PSME4: variants seen among roughly 807,000 people sequenced by gnomAD.
PSME4 encodes the protein proteasome activator subunit 4, also known as proteasome activator complex subunit 4.
Under a neutral mutation model 253.9 loss-of-function variants are expected in PSME4, and 89 were observed. The observed-to-expected ratio is 0.35, with a 90% confidence interval of 0.30 to 0.42. The LOEUF is 0.42. Among genes scored for constraint, PSME4 ranks in the 10% least tolerant of loss-of-function variants. The probability of loss-of-function intolerance (pLI) is 1.00; values close to 1 mark genes in which losing one functional copy is unlikely to be tolerated. For synonymous variants in PSME4, 851 were observed against 759.2 expected, an observed-to-expected ratio of 1.12 and a Z score of -1.99; for missense variants, 2,014 against 2,195.2, an observed-to-expected ratio of 0.92 and a Z score of 1.65.
At chr2:53,966,481 G>C (rs1364390600) in intron 1 of PSME4, among the ~76,000 whole-genome samples, 18 of 151,958 alleles carry the variant, frequency 1.2e-4, no homozygotes, top group Admixed American at 1.1e-3. Flanking sequence ...GGCCAACATG[G>C]GGAAACCCTG....
chr2:53,924,300 T>C (rs1193681462), intron 14 of PSME4, among the ~76,000 whole-genome samples: 1 of 152,216 alleles, frequency 6.6e-6, no homozygotes, highest in Admixed American at 6.5e-5. Context: ...ATCATAGTAT[T>C]TATTTCACAC....
chr2:53,908,707 C>T (rs1667678350), intron 22 of PSME4, 77 bp downstream of exon 22: 1 of 1,443,248 alleles, frequency 6.9e-7, no homozygotes, highest in South Asian at 1.3e-5. Flanking sequence ...ATTAAGTAAA[C>T]ACATGCATGT....
At chr2:53,938,270 A>C (rs926936727) in intron 4 of PSME4, among the ~76,000 whole-genome samples, 3 of 152,204 alleles carry the variant, frequency 2.0e-5, no homozygotes, top group Admixed American at 6.5e-5. Context: ...ATGTTGAATA[A>C]ACCATTTACC....
chr2:53,930,702 A>C (rs1359229584), intron 10 of PSME4, among the ~76,000 whole-genome samples: 3 of 152,208 alleles, frequency 2.0e-5, no homozygotes, highest in Non-Finnish European at 4.4e-5. Context: ...GATCTTGAAC[A>C]CGGTATCCTT....
rs1226750346 is a variant in PSME4, at chr2:53,906,689, C to T, written c.2852G>A (p.Arg951Gln). Residue 951 changes from arginine to glutamine, a missense_variant, in exon 26 of 47, where the codon CGG (arginine) becomes CAG (glutamine). Physicochemically the swap from Arg to Gln is conservative, Grantham distance 43 (BLOSUM62 1). Transcript: ENST00000404125. ...IDRVMLQHEL[R>Q]TLTVEGCEYK... ...TTCACAACCCTCAACAGTTAGTGTC[C>T]GTAGCTAAGAAAACAATCGCAAACA... 1 of 1,598,664 alleles carries T rather than the reference C, an allele frequency of 6.3e-7. No homozygotes were observed. The highest frequency in any genetic ancestry group is 2.2e-5 in the East Asian group (1 of 44,762).
chr2:53,890,063 G>T, intron 37 of PSME4, 41 bp downstream of exon 37: 1 of 1,422,694 alleles, frequency 7.0e-7, no homozygotes, highest in South Asian at 1.2e-5. Flanking sequence ...CAAACAGTTT[G>T]AATAGATCAG....
At chr2:53,929,712 G>T (rs1434335967) in intron 10 of PSME4, among the ~76,000 whole-genome samples, 7 of 150,730 alleles carry the variant, frequency 4.6e-5, no homozygotes, top group African/African-American at 1.7e-4. Flanking sequence ...AAAAAGTTTT[G>T]CTTTTATTAA....
intron 29 of PSME4, among the ~76,000 whole-genome samples, chr2:53,899,128 G>A (rs1680274316): frequency 2.6e-5 from 4 of 152,126 alleles, no homozygotes; most frequent in African/African-American, 7.2e-5. Flanking sequence ...GCAGGGGCAC[G>A]ATCTCTGCTC....
Position 53,920,338 on chromosome 2 carries a change from G to T in PSME4, c.2275C>A (p.Pro759Thr), listed in dbSNP as rs762041274. The T allele has an allele frequency of 1.1e-4, 184 of 1,612,410 alleles. 3 individuals are homozygous for T. In the Middle Eastern group the frequency reaches 2.6e-3, roughly 23 times the overall value. ...ATTCCCAGATTCCACAAGTCCCCGG[G>T]TTTGCCCCAGTCCTAGAAGAGAACA... ...EYFPIKDWGKPGDLWNLGIQW... is the reference protein window; with the variant it reads ...EYFPIKDWGKTGDLWNLGIQW... Residue 759 changes from proline to threonine, a missense_variant, in exon 19 of 47, where the codon CCC becomes ACC. Physicochemically the swap from Pro to Thr is conservative, Grantham distance 38. This residue lies in a region of PSME4 where 989 missense variants were observed against 1,021.1 expected (regional missense o/e 0.97). Coordinates refer to ENST00000404125, the MANE Select transcript of PSME4 (RefSeq NM_014614.3).
intron 13 of PSME4, 110 bp downstream of exon 13, chr2:53,925,849 C>T: frequency 7.9e-7 from 1 of 1,264,428 alleles, no homozygotes; most frequent in Non-Finnish European, 1.1e-6. Context: ...TTCAGGAGCA[C>T]CAGTAGTAGC....
intron 1 of PSME4, among the ~76,000 whole-genome samples, chr2:53,964,470 A>G (rs923754375): frequency 2.6e-5 from 4 of 152,198 alleles, no homozygotes; most frequent in African/African-American, 9.6e-5. Context: ...CTACAAAGAA[A>G]TTTTGGTTCC....
chr2:53,916,241 CA>C (rs10685516), intron 20 of PSME4, among the ~76,000 whole-genome samples: 70 of 104,600 alleles, frequency 6.7e-4, no homozygotes, highest in African/African-American at 2.4e-3. Flanking sequence ...GACTCTGTCT[CA>C]AAAAAAAAAA....
intron 20 of PSME4, among the ~76,000 whole-genome samples, chr2:53,914,865 G>A (rs1459119009): frequency 6.6e-6 from 1 of 152,116 alleles, no homozygotes; most frequent in African/African-American, 2.4e-5. Flanking sequence ...TGGGCAACGA[G>A]TGAAACTTCG....
At chr2:53,871,785 G>A (rs6720298) in intron 43 of PSME4, among the ~76,000 whole-genome samples, 15,022 of 151,966 alleles carry the variant, frequency 0.099, 859 homozygotes, top group East Asian at 0.25. Flanking sequence ...AGGCCCAGGC[G>A]GGTGGATCAC....
chr2:53,904,491 T>C (rs1012610800), intron 26 of PSME4, among the ~76,000 whole-genome samples: 1 of 152,216 alleles, frequency 6.6e-6, no homozygotes, highest in African/African-American at 2.4e-5. Flanking sequence ...TTATTCTAGA[T>C]ATAAAGAGCC....
chr2:53,873,987 A>T (rs1679009325), intron 43 of PSME4, among the ~76,000 whole-genome samples: 1 of 152,202 alleles, frequency 6.6e-6, no homozygotes, highest in African/African-American at 2.4e-5. Context: ...TTTTTGAGAC[A>T]GGGTCTCACT....
chr2:53,961,059 A>C (rs1309243547), intron 1 of PSME4, among the ~76,000 whole-genome samples: 1 of 152,210 alleles, frequency 6.6e-6, no homozygotes, highest in Non-Finnish European at 1.5e-5. Flanking sequence ...GTGAGGCAAG[A>C]TGGTACAATT....
At chr2:53,904,204 C>A (rs781781392) in intron 26 of PSME4, 48 bp from the exon 27 acceptor site, 3 of 1,501,898 alleles carry the variant, frequency 2.0e-6, no homozygotes, top group South Asian at 2.6e-5. Context: ...TAGTAAAGTA[C>A]AAAGCAGTTT....
chr2:53,923,214 A>T lies in PSME4; in HGVS notation c.1909-96T>A, dbSNP rs182457354. ...AGTAAAAGGCTGTAAATAAGCAGCT[A>T]CTGAAAGAACTATGCATTTTAAGCA... On this transcript the variant is annotated intron_variant, in intron 15 of 46. Coordinates refer to ENST00000404125, the MANE Select transcript of PSME4 (RefSeq NM_014614.3). The T allele has an allele frequency of 1.7e-3, 2,502 of 1,456,920 alleles. 11 individuals carry two copies. The highest frequency in any genetic ancestry group is 0.014 in the Middle Eastern group (77 of 5,576). 90.2% of individuals were successfully genotyped at this position (1,456,920 alleles called of 1,614,324 possible).
Sources: gnomAD v4.1 joint callset for allele counts (sites outside exome capture counted in the v4.1 genomes callset) on GRCh38, gnomAD v4.1.1 for gene constraint, gnomAD v4.1.1 regional missense constraint, MANE v1.5 for transcripts, NCBI Gene and HGNC (gene_info 2026-07-23, HGNC 2026-07-21) for gene names.